The following NDRG1 variants were observed in gnomAD, a reference collection of about 807,000 sequenced individuals.
The protein encoded by NDRG1 is protein NDRG1.
Under a neutral mutation model 56.9 loss-of-function variants are expected in NDRG1, and 32 were observed. The observed-to-expected ratio is 0.56, with a 90% confidence interval of 0.42 to 0.76. The LOEUF (loss-of-function observed/expected upper bound fraction) is 0.76, where lower values mean the gene tolerates loss of function less well. Ranked by LOEUF, NDRG1 falls within the 30% of genes least tolerant of loss-of-function variation. NDRG1 has a pLI of 0.00. For missense variants in NDRG1, 507 were observed against 545.7 expected, an observed-to-expected ratio of 0.93 and a Z score of 0.71; for synonymous variants, 211 against 204.1, an observed-to-expected ratio of 1.03 and a Z score of -0.29.
intron 15 of NDRG1, 133 bp from the exon 16 acceptor site, chr8:133,239,252 T>C: frequency 7.0e-7 from 1 of 1,419,694 alleles, no homozygotes; most frequent in South Asian, 1.2e-5. Flanking sequence ...GCCATCCAGC[T>C]GCTGGGCCCC....
intron 1 of NDRG1, chr8:133,296,567 C>G (rs1176787679): frequency 4.4e-6 from 2 of 456,202 alleles, no homozygotes; most frequent in African/African-American, 2.0e-5. Context: ...GATCCACACC[C>G]GTTCCCGACC....
intron 15 of NDRG1, 182 bp from the exon 16 acceptor site, chr8:133,239,301 GC>G: frequency 2.0e-6 from 2 of 984,504 alleles, no homozygotes; most frequent in Non-Finnish European, 3.0e-6. Flanking sequence ...AGATGGCAAG[GC>G]CCAGATGCGG....
At chr8:133,266,085 G>A (rs1464928610) in intron 3 of NDRG1, among the ~76,000 whole-genome samples, 3 of 152,214 alleles carry the variant, frequency 2.0e-5, no homozygotes, top group Admixed American at 6.5e-5. Context: ...ACCCTCACAG[G>A]AGCCCTGCCA....
At chr8:133,258,284 G>T in intron 7 of NDRG1, 82 bp downstream of exon 7, 1 of 1,447,110 alleles carries the variant, frequency 6.9e-7, no homozygotes. Context: ...TCCCTTTTGG[G>T]TTTTTGATGC....
intron 3 of NDRG1, among the ~76,000 whole-genome samples, chr8:133,265,182 A>C (rs1856855071): frequency 2.6e-5 from 4 of 152,198 alleles, no homozygotes; most frequent in Admixed American, 6.5e-5. Flanking sequence ...TCACAAGTCA[A>C]GGCCAATTCA....
intron 8 of NDRG1, 101 bp downstream of exon 8, chr8:133,256,674 TAA>T (rs2130719199): frequency 9.0e-7 from 1 of 1,105,914 alleles, no homozygotes; most frequent in East Asian, 2.5e-5. Flanking sequence ...GAGGAGTGGG[TAA>T]AGAGAGAGCT....
intron 3 of NDRG1, among the ~76,000 whole-genome samples, chr8:133,271,275 A>T (rs896074573): frequency 5.3e-5 from 8 of 152,194 alleles, no homozygotes; most frequent in African/African-American, 1.9e-4. Context: ...CAGAGCAGTT[A>T]CGGTGCCCTC....
At position 133,239,001 on chromosome 8, in the gene NDRG1, G is replaced by A. The variant is rs560162089; in HGVS notation, c.1062C>T (p.Ser354=). Residue 354 remains serine (S), a synonymous_variant, in exon 16 of 16, where the codon TCC becomes TCT. Transcript: ENST00000323851. ...SHTSEGTRSR[S]HTSEGTRSRS... ...GGCTGCGGGTGCCCTCGCTGGTGTGGGAGCGGCTTCGGGTGCCCTCGCTGG... is the reference window on the plus strand; with the variant it reads ...GGCTGCGGGTGCCCTCGCTGGTGTGAGAGCGGCTTCGGGTGCCCTCGCTGG... The A allele has an allele frequency of 1.3e-6, 2 of 1,596,088 alleles. No individual in the cohort carries two copies. The highest frequency in any genetic ancestry group is 1.7e-6 in the Non-Finnish European group (2 of 1,173,182).
At chr8:133,253,244 G>A (rs1856171460) in intron 9 of NDRG1, among the ~76,000 whole-genome samples, 1 of 152,212 alleles carries the variant, frequency 6.6e-6, no homozygotes, top group Non-Finnish European at 1.5e-5. Flanking sequence ...TGAGGGGCTT[G>A]GCTCAATCCC....
intron 1 of NDRG1, among the ~76,000 whole-genome samples, chr8:133,286,165 C>T (rs1858104122): frequency 6.6e-6 from 1 of 152,232 alleles, no homozygotes; most frequent in African/African-American, 2.4e-5. Context: ...GCACGAGAGA[C>T]TCTCCTAGGC....
intron 3 of NDRG1, 33 bp from the exon 4 acceptor site, chr8:133,264,685 T>C (rs761215873): frequency 2.3e-5 from 36 of 1,586,924 alleles, no homozygotes; most frequent in Admixed American, 1.7e-4. Context: ...GGGCTGGTCA[T>C]GTGGGGTTCA....
intron 10 of NDRG1, 132 bp from the exon 11 acceptor site, chr8:133,248,903 AG>A (rs1288763913): frequency 1.0e-6 from 1 of 953,998 alleles, no homozygotes; most frequent in East Asian, 2.5e-5. Context: ...AACTTGAGAG[AG>A]GCCCTGTGGC....
chr8:133,284,297 C>A lies in NDRG1; in HGVS notation c.15G>T (p.Met5Ile). The A allele has an allele frequency of 6.2e-7, 1 of 1,614,172 alleles. No homozygotes were observed. The highest frequency in any genetic ancestry group is 8.5e-7 in the Non-Finnish European group (1 of 1,180,032). MSREMQDVDLAEVKP... is the reference protein window; with the variant it reads MSREIQDVDLAEVKP... ...TCACCTCAGCGAGGTCTACATCCTG[C>A]ATCTCCCGAGACATGTCCCTGCTGT... Residue 5 changes from methionine (M) to isoleucine (I), a missense_variant, in exon 2 of 16, where the codon ATG becomes ATT. By Grantham distance (10) the Met-to-Ile change is conservative (BLOSUM62 1). Coordinates refer to ENST00000323851, the MANE Select transcript of NDRG1 (RefSeq NM_006096.4).
chr8:133,252,395 C>T (rs1586426075), intron 9 of NDRG1, among the ~76,000 whole-genome samples: 2 of 152,316 alleles, frequency 1.3e-5, no homozygotes, highest in African/African-American at 4.8e-5. Context: ...CTGCTCATCC[C>T]ACTTTCGCTG....
At chr8:133,244,260 G>T in intron 14 of NDRG1, 95 bp downstream of exon 14, 2 of 1,441,300 alleles carry the variant, frequency 1.4e-6, no homozygotes, top group Non-Finnish European at 1.9e-6. Flanking sequence ...CGATGTCACA[G>T]CAAGGTAATG....
intron 4 of NDRG1, 63 bp from the exon 5 acceptor site, chr8:133,262,230 C>A (rs1277193472): frequency 1.3e-6 from 2 of 1,584,446 alleles, no homozygotes; most frequent in East Asian, 4.5e-5. Flanking sequence ...TTAGGTGTCT[C>A]GGTGGCAAAG....
intron 14 of NDRG1, among the ~76,000 whole-genome samples, chr8:133,243,293 C>T (rs543232608): frequency 6.6e-6 from 1 of 152,270 alleles, no homozygotes; most frequent in African/African-American, 2.4e-5. Flanking sequence ...GGAACAGGGA[C>T]GCCTGTGTTC....
At chr8:133,268,868 C>CACACACACACACACACACACACACA (rs1857048508) in intron 3 of NDRG1, among the ~76,000 whole-genome samples, 1 of 107,416 alleles carries the variant, frequency 9.3e-6, no homozygotes, top group Admixed American at 8.3e-5. Flanking sequence ...CTAAGTCACA[C>CACACACACACACACACACACACACA]ACACACACAC....
chr8:133,251,159 G>A (rs972120970), intron 9 of NDRG1, among the ~76,000 whole-genome samples: 8 of 152,328 alleles, frequency 5.3e-5, no homozygotes, highest in South Asian at 2.1e-4. Flanking sequence ...GAGCCTTGGG[G>A]AAGTCGGCCT....
Sources: allele counts gnomAD v4.1 joint callset (sites outside exome capture counted in the v4.1 genomes callset), GRCh38; gene constraint gnomAD v4.1.1; transcripts MANE v1.5; gene names NCBI Gene and HGNC (gene_info 2026-07-23, HGNC 2026-07-21).